The following ERG variants were observed in gnomAD, a reference collection of about 807,000 sequenced individuals.
ERG encodes ETS transcription factor ERG, also known as transcriptional regulator ERG.
Under a neutral mutation model 55.3 loss-of-function variants are expected in ERG, and 9 were observed. The observed-to-expected ratio is 0.16, with a 90% CI of 0.10 to 0.28. The LOEUF (loss-of-function observed/expected upper bound fraction) is 0.28, where lower values mean the gene tolerates loss of function less well. Ranked by LOEUF, ERG falls within the 10% of genes least tolerant of loss-of-function variation. The probability of loss-of-function intolerance (pLI) is 1.00; values close to 1 mark genes in which losing one functional copy is unlikely to be tolerated. For missense variants in ERG, 434 were observed against 631.6 expected (o/e 0.69, Z 3.35); for synonymous variants, 223 against 237.3 (o/e 0.94, Z 0.55).
At chr21:38,615,943 T>C (rs2060256420) in intron 1 of ERG, among the ~76,000 whole-genome samples, 1 of 152,048 alleles carries the variant, frequency 6.6e-6, no homozygotes, top group Admixed American at 6.5e-5. Flanking sequence ...CCTATTGACA[T>C]GGTTTGGTTC....
chr21:38,391,636 T>C (rs773713965), intron 8 of ERG, 23 bp downstream of exon 8: 1 of 1,597,032 alleles, frequency 6.3e-7, no homozygotes, highest in Non-Finnish European at 8.6e-7. Context: ...CTTATGGTTA[T>C]CCAGACGGCC....
chr21:38,638,170 G>C (rs762432516), intron 1 of ERG, among the ~76,000 whole-genome samples: 7 of 152,212 alleles, frequency 4.6e-5, no homozygotes, highest in Middle Eastern at 3.2e-3. Flanking sequence ...TCAGCCACTT[G>C]TCCCCATGGG....
chr21:38,563,494 C>T (rs1163327085), intron 2 of ERG, among the ~76,000 whole-genome samples: 1 of 152,234 alleles, frequency 6.6e-6, no homozygotes, highest in African/African-American at 2.4e-5. Context: ...TATGAAAGCG[C>T]AGACACATGG....
intron 1 of ERG, among the ~76,000 whole-genome samples, chr21:38,487,651 A>G (rs928422827): frequency 1.3e-5 from 2 of 152,236 alleles, no homozygotes; most frequent in Non-Finnish European, 2.9e-5. Flanking sequence ...GCAAAGAAGC[A>G]GAAGTGTCAG....
intron 2 of ERG, among the ~76,000 whole-genome samples, chr21:38,511,216 T>A (rs1209272936): frequency 1.3e-5 from 2 of 152,196 alleles, no homozygotes; most frequent in African/African-American, 4.8e-5. Context: ...AATAAATCAA[T>A]CATTCCACCC....
At chr21:38,425,398 G>GGAAA (rs545445582) in intron 2 of ERG, among the ~76,000 whole-genome samples, 9 of 149,302 alleles carry the variant, frequency 6.0e-5, no homozygotes, top group East Asian at 5.9e-4. Flanking sequence ...AAAGAAGAAA[G>GGAAA]GAAAGAAAGA....
At chr21:38,535,791 G>A (rs931070024) in intron 2 of ERG, among the ~76,000 whole-genome samples, 2 of 152,250 alleles carry the variant, frequency 1.3e-5, no homozygotes, top group African/African-American at 4.8e-5. Context: ...ATTCACTTGT[G>A]TTTAAAAGTT....
At chr21:38,637,434 A>T (rs1213955553) in intron 1 of ERG, among the ~76,000 whole-genome samples, 3 of 152,148 alleles carry the variant, frequency 2.0e-5, no homozygotes, top group African/African-American at 7.2e-5. Flanking sequence ...TTGTGGTGAA[A>T]TGAGTGATCA....
intron 1 of ERG, among the ~76,000 whole-genome samples, chr21:38,624,693 G>T (rs927613857): frequency 2.0e-5 from 3 of 152,106 alleles, no homozygotes; most frequent in African/African-American, 7.2e-5. Flanking sequence ...TAACCTTCCT[G>T]TATCTCAATG....
At chr21:38,526,046 A>AT (rs2059628060) in intron 2 of ERG, among the ~76,000 whole-genome samples, 1 of 152,188 alleles carries the variant, frequency 6.6e-6, no homozygotes, top group Non-Finnish European at 1.5e-5. Flanking sequence ...GATATTGTAA[A>AT]GGAGGCCTTG....
intron 2 of ERG, among the ~76,000 whole-genome samples, chr21:38,565,081 C>A (rs2836516): frequency 2.0e-5 from 3 of 151,972 alleles, no homozygotes; most frequent in African/African-American, 7.3e-5. Context: ...ATCATATACC[C>A]AGTTACAAAC....
At chr21:38,650,775 A>C (rs1017702710) in intron 1 of ERG, among the ~76,000 whole-genome samples, 1 of 152,244 alleles carries the variant, frequency 6.6e-6, no homozygotes, top group East Asian at 1.9e-4. Flanking sequence ...ACTTCAGAAG[A>C]CTTTTCCATA....
chr21:38,381,491 G>C lies in ERG; in HGVS notation c.*1912C>G. ...ACAGTGCCCAGGTAACTCTGATGTAGCAGGACTAAAGCTGTCTACCTAGTG... is the reference window on the plus strand; with the variant it reads ...ACAGTGCCCAGGTAACTCTGATGTACCAGGACTAAAGCTGTCTACCTAGTG... On this transcript the variant is annotated 3_prime_UTR_variant, in exon 10 of 10. Coordinates refer to ENST00000288319, the MANE Select transcript of ERG (RefSeq NM_182918.4). The C allele has an allele frequency of 1.9e-6, 2 of 1,063,666 alleles. No homozygotes were observed. Among genetic ancestry groups the C allele is most frequent in the Non-Finnish European group, 2.3e-6 (2 of 878,284 alleles). The allele number at this position is 1,063,666 out of a possible 1,614,324, so 65.9% of individuals were successfully genotyped here.
At chr21:38,614,636 G>A (rs1362861492) in intron 1 of ERG, among the ~76,000 whole-genome samples, 1 of 152,248 alleles carries the variant, frequency 6.6e-6, no homozygotes, top group South Asian at 2.1e-4. Context: ...TGGCTAGAAG[G>A]GGACTGGGTT....
chr21:38,426,220 G>C (rs745791627), intron 2 of ERG, among the ~76,000 whole-genome samples: 6 of 152,178 alleles, frequency 3.9e-5, no homozygotes, highest in Non-Finnish European at 8.8e-5. Context: ...GCCTACACAT[G>C]CATTATTTCC....
At chr21:38,575,176 G>A (rs558308460) in intron 2 of ERG, among the ~76,000 whole-genome samples, 6 of 152,208 alleles carry the variant, frequency 3.9e-5, no homozygotes, top group South Asian at 4.1e-4. Flanking sequence ...TTCCAACATC[G>A]GAAATCCAAT....
At chr21:38,377,006 T>G (rs1987261932), downstream of ERG, among the ~76,000 whole-genome samples, 1 of 152,236 alleles carries the variant, frequency 6.6e-6, no homozygotes, top group South Asian at 2.1e-4. Flanking sequence ...CCATTTGACA[T>G]GCCCTGAAGA....
chr21:38,594,710 G>A (rs535866735), intron 1 of ERG, among the ~76,000 whole-genome samples: 2 of 152,240 alleles, frequency 1.3e-5, no homozygotes, highest in South Asian at 2.1e-4. Flanking sequence ...AAAATAGGAA[G>A]AACTTATATG....
chr21:38,592,189 C>A (rs1230907557), intron 1 of ERG, among the ~76,000 whole-genome samples: 1 of 152,202 alleles, frequency 6.6e-6, no homozygotes, highest in Non-Finnish European at 1.5e-5. Flanking sequence ...ATATTTCCAT[C>A]ATGGGCAACT....
Sources: allele counts gnomAD v4.1 joint callset (sites outside exome capture counted in the v4.1 genomes callset), GRCh38; gene constraint gnomAD v4.1.1; transcripts MANE v1.5; gene names NCBI Gene and HGNC (gene_info 2026-07-23, HGNC 2026-07-21).